The following CPAMD8 variants were observed in gnomAD, a reference collection of about 807,000 sequenced individuals.
CPAMD8 encodes the protein C3 and PZP like alpha-2-macroglobulin domain containing 8.
CPAMD8 carries 146 observed loss-of-function variants against 224.7 expected under a neutral mutation model. That is an observed-to-expected ratio of 0.65 (90% CI 0.57 to 0.75). The LOEUF (loss-of-function observed/expected upper bound fraction) is 0.75, where lower values mean the gene tolerates loss of function less well. Among genes scored for constraint, CPAMD8 ranks in the 30% least tolerant of loss-of-function variants. The pLI is 0.00. For missense variants in CPAMD8, 2,301 were observed against 2,537.5 expected (o/e 0.91, Z 2.00); for synonymous variants, 966 against 1,044.6 (o/e 0.92, Z 1.45).
chr19:16,966,188 C>T (rs970803681), intron 18 of CPAMD8, among the ~76,000 whole-genome samples: 5 of 152,098 alleles, frequency 3.3e-5, no homozygotes, highest in Non-Finnish European at 5.9e-5. Context: ...AATAACACCA[C>T]GCATCTACAA....
At chr19:16,921,869 G>A (rs2053186942) in intron 27 of CPAMD8, 36 bp downstream of exon 27, 1 of 1,411,562 alleles carries the variant, frequency 7.1e-7, no homozygotes, top group Non-Finnish European at 9.7e-7. Context: ...CGGGCGGGGA[G>A]CCTCAGAGGC....
At chr19:16,984,951 T>A (rs2055662138) in intron 13 of CPAMD8, among the ~76,000 whole-genome samples, 1 of 152,226 alleles carries the variant, frequency 6.6e-6, no homozygotes, top group Non-Finnish European at 1.5e-5. Flanking sequence ...CACATATGCA[T>A]GCAAACAAAC....
intron 29 of CPAMD8, among the ~76,000 whole-genome samples, chr19:16,911,472 C>T (rs934883857): frequency 5.3e-5 from 8 of 152,102 alleles, no homozygotes; most frequent in African/African-American, 1.4e-4. Context: ...AGCGATTCTC[C>T]TGCCTCAGCC....
intron 31 of CPAMD8, 49 bp downstream of exon 31, chr19:16,904,417 C>A (rs1395531353): frequency 6.2e-7 from 1 of 1,613,978 alleles, no homozygotes; most frequent in East Asian, 2.2e-5. Context: ...GGACCCAGTG[C>A]ATGGAGGTAT....
chr19:16,972,576 T>A (rs1031660037), intron 17 of CPAMD8, among the ~76,000 whole-genome samples: 3 of 151,980 alleles, frequency 2.0e-5, no homozygotes, highest in East Asian at 1.9e-4. Context: ...CTGGGACTAC[T>A]GGCGCCCGCC....
rs1246304109 is a variant in CPAMD8 at position 16,899,446 on chromosome 19, C to A, written c.4848+29G>T. Reference sequence around the variant, plus strand: ...CTCACCAACATGCACACCAGGGAAGCCTCCTCCACCAACCCCGGCTGGTGG... The same window carrying A: ...CTCACCAACATGCACACCAGGGAAGACTCCTCCACCAACCCCGGCTGGTGG... On this transcript the variant is annotated intron_variant, in intron 37 of 41. Transcript: ENST00000443236. This position sits in a 1 kb window ranked among gnomAD's most constrained non-coding sequence, Gnocchi z 5.4. 1.8e-6 allele frequency: 2 copies of A among 1,121,144 alleles called. No individual in the cohort carries two copies. The highest frequency in any genetic ancestry group is 2.7e-6 in the Non-Finnish European group (2 of 730,810). The allele number at this position is 1,121,144 out of a possible 1,614,324, so 69.4% of individuals were successfully genotyped here. A position where few individuals can be genotyped will look rare whatever the true frequency, so the allele number is the denominator to read the frequency against.
At position 17,011,613 on chromosome 19, in the gene CPAMD8, C is replaced by A. The variant is rs201463563; in HGVS notation, c.412G>T (p.Val138Leu). 8.8e-4 allele frequency: 1,420 copies of A among 1,614,234 alleles called. 17 individuals are homozygous for A. The South Asian group carries it at 0.013, about 15-fold the overall frequency. Residue 138 changes from valine (V) to leucine (L), a missense_variant, in exon 4 of 42, where the codon GTG (valine) becomes TTG (leucine). By Grantham distance (32) the Val-to-Leu change is conservative (BLOSUM62 1). Coordinates refer to ENST00000443236, the MANE Select transcript of CPAMD8 (RefSeq NM_015692.5). Reference protein sequence around the residue: ...ASVFIQTDKPVYRPQHRVLIS... With the variant: ...ASVFIQTDKPLYRPQHRVLIS... The stretch of plus-strand genomic sequence containing the variant: ...TCACCTCGGTGCTGGGGTCTGTACA[C>A]AGGCTTGTCCGTCTGGATGAATACA...
intron 23 of CPAMD8, among the ~76,000 whole-genome samples, chr19:16,933,105 T>A (rs1402919639): frequency 5.3e-5 from 8 of 152,112 alleles, no homozygotes; most frequent in Admixed American, 4.6e-4. Context: ...GGCAACATAA[T>A]CTTTTCAATA....
chr19:16,970,640 A>G (rs2122636865), intron 18 of CPAMD8, among the ~76,000 whole-genome samples: 1 of 151,998 alleles, frequency 6.6e-6, no homozygotes, highest in East Asian at 1.9e-4. Flanking sequence ...TCCTTCTGCC[A>G]TATGAGGATA....
At chr19:16,965,872 G>A (rs1174926056) in intron 18 of CPAMD8, among the ~76,000 whole-genome samples, 1 of 152,170 alleles carries the variant, frequency 6.6e-6, no homozygotes, top group Non-Finnish European at 1.5e-5. Context: ...AACATTCCAT[G>A]CTAACGGATA....
At chr19:16,905,583 A>AG (rs1164013202) in intron 30 of CPAMD8, among the ~76,000 whole-genome samples, 3 of 150,802 alleles carry the variant, frequency 2.0e-5, no homozygotes, top group Non-Finnish European at 4.4e-5. Context: ...AAAAAAAAAA[A>AG]AAAGAAAAAG....
intron 18 of CPAMD8, among the ~76,000 whole-genome samples, chr19:16,966,880 C>T (rs969734648): frequency 3.3e-5 from 5 of 152,196 alleles, no homozygotes; most frequent in South Asian, 2.1e-4. Context: ...AATGCTTTTA[C>T]ACTGTTGGTG....
In CPAMD8 at chr19:16,899,425, CCAA is replaced by C. The variant is rs764423028; in HGVS notation, c.4848+47_4848+49del. On this transcript the variant is annotated intron_variant, in intron 37 of 41. Coordinates refer to ENST00000443236, the MANE Select transcript of CPAMD8 (RefSeq NM_015692.5). This position sits in a 1 kb window ranked among gnomAD's most constrained non-coding sequence, Gnocchi z 5.4. ...CCAGGCAGTGACCGGTGCACCCTCA[CCAA>C]CATGCACACCAGGGAAGCCTCCTCC... 9.4e-6 allele frequency: 8 copies of C among 853,146 alleles called. No individual in the cohort carries two copies. The allele number at this position is 853,146 out of a possible 1,614,324, so 52.8% of individuals were successfully genotyped here.
intron 15 of CPAMD8, among the ~76,000 whole-genome samples, chr19:16,977,165 T>C (rs1177714586): frequency 6.6e-6 from 1 of 152,168 alleles, no homozygotes; most frequent in East Asian, 1.9e-4. Context: ...ATTGATGGCT[T>C]TCCCCATGTG....
chr19:17,011,570 T>G, intron 4 of CPAMD8, 22 bp downstream of exon 4: 2 of 1,614,178 alleles, frequency 1.2e-6, no homozygotes, highest in South Asian at 1.1e-5. Context: ...CGGCCCTCCC[T>G]GCATCCATGC....
chr19:16,940,982 G>A (rs1044628447), intron 22 of CPAMD8, among the ~76,000 whole-genome samples: 3 of 152,208 alleles, frequency 2.0e-5, no homozygotes. Flanking sequence ...CCAGGCTGGA[G>A]TCCAGTGGCG....
intron 23 of CPAMD8, among the ~76,000 whole-genome samples, chr19:16,934,815 C>T (rs2053638816): frequency 6.6e-6 from 1 of 152,108 alleles, no homozygotes; most frequent in South Asian, 2.1e-4. Flanking sequence ...ATATATATAA[C>T]ATAAAATGTA....
chr19:16,946,494 TGTG>T (rs1247173178), intron 21 of CPAMD8, among the ~76,000 whole-genome samples: 1 of 135,370 alleles, frequency 7.4e-6, no homozygotes, highest in Non-Finnish European at 1.6e-5. Flanking sequence ...TGTCTACACA[TGTG>T]GGCATGTGTG....
At chr19:16,914,868 G>A in intron 27 of CPAMD8, 55 bp from the exon 28 acceptor site, 1 of 1,353,918 alleles carries the variant, frequency 7.4e-7, no homozygotes, top group Non-Finnish European at 1.0e-6. Context: ...GCCCCCACAT[G>A]CTGGCTGAGG....
Sources: allele counts gnomAD v4.1 joint callset (sites outside exome capture counted in the v4.1 genomes callset), GRCh38; gene constraint gnomAD v4.1.1; non-coding constraint Gnocchi (gnomAD v3.1); transcripts MANE v1.5; gene names NCBI Gene and HGNC (gene_info 2026-07-23, HGNC 2026-07-21).